PRKD1: variants seen among roughly 807,000 people sequenced by gnomAD.
PRKD1 encodes protein kinase D1, also known as serine/threonine-protein kinase D1.
A neutral mutation model predicts 95.9 loss-of-function variants in PRKD1; 63 were observed. That is an observed-to-expected ratio of 0.66 (90% CI 0.54 to 0.81). The LOEUF (loss-of-function observed/expected upper bound fraction) is 0.81. PRKD1 is among the 30% of genes least tolerant of loss of function. PRKD1 has a pLI of 0.00. For missense variants in PRKD1, 1,048 were observed against 1,165.3 expected (o/e 0.90, Z 1.47); for synonymous variants, 425 against 423.1 (o/e 1.00, Z -0.05).
chr14:29,818,616 GA>G (rs71108499), intron 1 of PRKD1, among the ~76,000 whole-genome samples: 64 of 129,980 alleles, frequency 4.9e-4, no homozygotes, highest in Admixed American at 1.2e-3. Flanking sequence ...TACTTCATTT[GA>G]AAAAAAAAAA....
At chr14:29,906,636 G>T (rs1057392915) in intron 1 of PRKD1, among the ~76,000 whole-genome samples, 6 of 152,196 alleles carry the variant, frequency 3.9e-5, no homozygotes, top group Non-Finnish European at 5.9e-5. Flanking sequence ...GACAGGAAAT[G>T]AGGAAAAGGT....
chr14:29,749,035 T>C (rs1195240447), intron 1 of PRKD1, among the ~76,000 whole-genome samples: 1 of 152,152 alleles, frequency 6.6e-6, no homozygotes, highest in Non-Finnish European at 1.5e-5. Flanking sequence ...TATAAGTATA[T>C]GTAGGAGTGG....
At chr14:29,616,195 G>A (rs1176337892) in intron 13 of PRKD1, among the ~76,000 whole-genome samples, 1 of 118,674 alleles carries the variant, frequency 8.4e-6, no homozygotes, top group Non-Finnish European at 1.6e-5. Flanking sequence ...GAAGTGAGAA[G>A]AGAGATTTAA....
At chr14:29,739,362 CCT>C (rs2139430366) in intron 1 of PRKD1, among the ~76,000 whole-genome samples, 1 of 152,062 alleles carries the variant, frequency 6.6e-6, no homozygotes, top group South Asian at 2.1e-4. Context: ...TCTGCTTAGA[CCT>C]CTCTTTTTTT....
At chr14:29,811,740 C>G (rs531815184) in intron 1 of PRKD1, among the ~76,000 whole-genome samples, 1 of 152,276 alleles carries the variant, frequency 6.6e-6, no homozygotes, top group East Asian at 1.9e-4. Flanking sequence ...TCACCTGAAC[C>G]AAGACTTCAA....
chr14:29,904,206 T>G (rs761837133), intron 1 of PRKD1, among the ~76,000 whole-genome samples: 53 of 152,136 alleles, frequency 3.5e-4, no homozygotes, highest in Non-Finnish European at 2.2e-4. Flanking sequence ...CAACAGGAAT[T>G]GAAGCTCAAT....
chr14:29,891,329 AATG>A (rs958238547), intron 1 of PRKD1, among the ~76,000 whole-genome samples: 2 of 152,162 alleles, frequency 1.3e-5, no homozygotes, highest in African/African-American at 4.8e-5. Context: ...AACCACCATG[AATG>A]GTGACAGCCT....
intron 8 of PRKD1, 74 bp from the exon 9 acceptor site, chr14:29,633,020 T>C: frequency 7.4e-7 from 1 of 1,352,966 alleles, no homozygotes; most frequent in South Asian, 1.2e-5. Flanking sequence ...ATAAATAGAT[T>C]TCCCCAATAG....
At chr14:29,901,229 A>G (rs992807957) in intron 1 of PRKD1, among the ~76,000 whole-genome samples, 5 of 152,212 alleles carry the variant, frequency 3.3e-5, no homozygotes, top group African/African-American at 4.8e-5. Flanking sequence ...AGGCAAATTA[A>G]TGCAAGAACA....
intron 1 of PRKD1, among the ~76,000 whole-genome samples, chr14:29,821,791 G>C (rs373630985): frequency 7.8e-4 from 119 of 152,082 alleles, no homozygotes; most frequent in African/African-American, 2.7e-3. Flanking sequence ...GGCAATTCTA[G>C]GCAATTCTGG....
At chr14:29,827,363 A>G (rs965101904) in intron 1 of PRKD1, among the ~76,000 whole-genome samples, 4 of 152,108 alleles carry the variant, frequency 2.6e-5, no homozygotes, top group African/African-American at 9.7e-5. Flanking sequence ...TGCAACAGCA[A>G]CAGCATGTGG....
At chr14:29,776,809 C>A (rs1185074752) in intron 1 of PRKD1, among the ~76,000 whole-genome samples, 4 of 152,138 alleles carry the variant, frequency 2.6e-5, no homozygotes, top group African/African-American at 7.2e-5. Context: ...CAAAGACAAT[C>A]CTCGAGAAGA....
intron 16 of PRKD1, among the ~76,000 whole-genome samples, chr14:29,583,946 G>A (rs1892830248): frequency 6.6e-6 from 1 of 151,982 alleles, no homozygotes; most frequent in Non-Finnish European, 1.5e-5. Flanking sequence ...TATCAGTTTA[G>A]AGACAAAAAA....
At position 29,804,824 on chromosome 14, in the gene PRKD1, T is replaced by TA. The variant is rs45486902; in HGVS notation, c.265-79151dup. ...GTGTTTTTTTTTCCTTTCAGTGAGC[T>TA]AAAACTCCCAGTAGACCTAAGCCGT... is the stretch of plus-strand genomic sequence containing the variant. On this transcript the variant is annotated intron_variant, in intron 1 of 17. Coordinates refer to ENST00000331968, the MANE Select transcript of PRKD1 (RefSeq NM_002742.3). Among the ~76,000 whole-genome samples the TA allele has an allele frequency of 8.9e-3, 1,350 of 152,262 alleles. 19 individuals are homozygous for TA. The highest frequency in any genetic ancestry group is 0.031 in the African/African-American group (1,308 of 41,544).
intron 2 of PRKD1, among the ~76,000 whole-genome samples, chr14:29,676,236 C>G (rs1319419266): frequency 4.6e-5 from 4 of 87,818 alleles, no homozygotes; most frequent in Non-Finnish European, 8.7e-5. Flanking sequence ...AAAGATTCCA[C>G]TGCTCATCCA....
At chr14:29,674,691 A>G (rs537825954) in intron 2 of PRKD1, among the ~76,000 whole-genome samples, 309 of 152,334 alleles carry the variant, frequency 2.0e-3, no homozygotes, top group African/African-American at 7.0e-3. Context: ...TACCTTTAAA[A>G]GGATAATGAC....
chr14:29,726,116 T>C (rs895132118), intron 1 of PRKD1, among the ~76,000 whole-genome samples: 2 of 152,196 alleles, frequency 1.3e-5, no homozygotes, highest in Non-Finnish European at 1.5e-5. Context: ...CTGTCTGTTT[T>C]GGCATATTCA....
intron 16 of PRKD1, chr14:29,594,208 A>C (rs1566473257): frequency 2.3e-6 from 1 of 437,150 alleles, no homozygotes. Flanking sequence ...AGAAATTTGT[A>C]ATTCTGACAC....
At chr14:29,684,383 G>A (rs45562033) in intron 2 of PRKD1, among the ~76,000 whole-genome samples, 5 of 152,086 alleles carry the variant, frequency 3.3e-5, no homozygotes, top group Non-Finnish European at 7.4e-5. Context: ...TTGAGACATA[G>A]ATAAACATTT....
Sources: allele counts gnomAD v4.1 joint callset (sites outside exome capture counted in the v4.1 genomes callset), GRCh38; gene constraint gnomAD v4.1.1; transcripts MANE v1.5; gene names NCBI Gene and HGNC (gene_info 2026-07-23, HGNC 2026-07-21).